The following FAIM2 variants were observed in gnomAD, a reference collection of about 807,000 sequenced individuals.
The protein encoded by FAIM2 is Fas apoptotic inhibitory molecule 2.
In FAIM2, 27 loss-of-function variants were observed where a neutral mutation model predicts 47.4. The observed-to-expected ratio is 0.57, with a 90% CI of 0.42 to 0.78. The LOEUF is 0.78. FAIM2 is among the 30% of genes least tolerant of loss of function. The probability of loss-of-function intolerance (pLI) is 0.00; values close to 1 mark genes in which losing one functional copy is unlikely to be tolerated. For synonymous variants in FAIM2, 156 were observed against 159.3 expected (o/e 0.98, Z 0.16); for missense variants, 311 against 389.4 (o/e 0.80, Z 1.69).
intron 11 of FAIM2, among the ~76,000 whole-genome samples, chr12:49,877,156 T>C (rs771408757): frequency 2.0e-5 from 3 of 152,130 alleles, no homozygotes; most frequent in African/African-American, 4.8e-5. Context: ...TGCCTCTGCC[T>C]CCCCTCCCTC....
intron 5 of FAIM2, among the ~76,000 whole-genome samples, chr12:49,892,521 T>C (rs1039494960): frequency 6.6e-6 from 1 of 152,140 alleles, no homozygotes; most frequent in Non-Finnish European, 1.5e-5. Flanking sequence ...CCTTATTGAG[T>C]GCAGTGGATG....
At chr12:49,900,945 T>A (rs1175713561) in intron 2 of FAIM2, among the ~76,000 whole-genome samples, 185 bp downstream of exon 2, 5 of 152,114 alleles carry the variant, frequency 3.3e-5, no homozygotes, top group Non-Finnish European at 7.4e-5. Context: ...TATCTCTCTC[T>A]GTTTTCATGG....
intron 11 of FAIM2, among the ~76,000 whole-genome samples, chr12:49,880,535 T>C (rs902636384): frequency 9.3e-6 from 1 of 107,848 alleles, no homozygotes; most frequent in African/African-American, 4.3e-5. Context: ...TATATGTGCG[T>C]GTGTATGTAT....
At chr12:49,899,069 C>A (rs973687340) in intron 2 of FAIM2, among the ~76,000 whole-genome samples, 1 of 152,124 alleles carries the variant, frequency 6.6e-6, no homozygotes, top group African/African-American at 2.4e-5. Flanking sequence ...GGATCCCTCC[C>A]CTAGAACTTA....
In FAIM2 at chr12:49,869,234, G is replaced by A. The variant is rs561333964; in HGVS notation, c.*1270C>T. On this transcript the variant is annotated 3_prime_UTR_variant, in exon 12 of 12. Coordinates refer to ENST00000320634, the MANE Select transcript of FAIM2 (RefSeq NM_012306.4). ...CCCTGCCTGAGATCCCAGCCGCCTG[G>A]AAGCTGATAAGGAGCCCTGGCCTCA... The A allele has an allele frequency of 1.3e-4, 20 of 152,960 alleles. No individual in the cohort carries two copies. The East Asian group carries it at 3.9e-3, about 29-fold the overall frequency. 9.5% of individuals were successfully genotyped at this position (152,960 alleles called of 1,614,324 possible).
chr12:49,903,510 G>A (rs1946995502), intron 1 of FAIM2, among the ~76,000 whole-genome samples: 1 of 152,238 alleles, frequency 6.6e-6, no homozygotes, highest in South Asian at 2.1e-4. Flanking sequence ...GGGGGCCTGG[G>A]TATCTGTGAG....
chr12:49,879,734 CTGAG>C (rs1485839073), intron 11 of FAIM2, among the ~76,000 whole-genome samples: 239 of 131,340 alleles, frequency 1.8e-3, no homozygotes, highest in African/African-American at 6.6e-3. Flanking sequence ...AAGTGTGTGT[CTGAG>C]TGAATGTGTA....
At chr12:49,889,374 T>C (rs961934759) in intron 9 of FAIM2, 107 bp downstream of exon 9, 62 of 1,117,364 alleles carry the variant, frequency 5.5e-5, no homozygotes, top group Non-Finnish European at 8.2e-5. Flanking sequence ...TCACCCCCTT[T>C]ACTTCTCTCC....
chr12:49,899,491 C>A (rs988590722), intron 2 of FAIM2, among the ~76,000 whole-genome samples: 1 of 152,204 alleles, frequency 6.6e-6, no homozygotes, highest in East Asian at 1.9e-4. Flanking sequence ...GCTATACATT[C>A]CTCCCCCGAT....
In FAIM2 at chr12:49,874,496, T is replaced by A. The variant is rs1181560847; in HGVS notation, c.802-3843A>T. 6.6e-6 allele frequency among the ~76,000 whole-genome samples: 1 copy of A among 152,176 alleles called. No homozygotes were observed. The highest frequency in any genetic ancestry group is 1.5e-5 in the Non-Finnish European group (1 of 68,034). On this transcript the variant is annotated intron_variant, in intron 11 of 11. Coordinates refer to ENST00000320634, the MANE Select transcript of FAIM2 (RefSeq NM_012306.4). The surrounding 1 kb of genome is among the most constrained non-coding windows in gnomAD (Gnocchi z 4.2). ...AAAGGCAAACTTCCCCGCCTCACTT[T>A]ACTGGCCAGTGCTAAACCTGGCCGG...
At chr12:49,889,306 A>G in intron 9 of FAIM2, 104 bp from the exon 10 acceptor site, 2 of 1,055,892 alleles carry the variant, frequency 1.9e-6, no homozygotes, top group South Asian at 2.7e-5. Flanking sequence ...TGCTTACCCC[A>G]AGAACCTGGC....
Position 49,866,982 on chromosome 12 carries a change from A to T in FAIM2, c.*3522T>A, listed in dbSNP as rs1055428544. The T allele has an allele frequency of 1.4e-4, 22 of 152,356 alleles. No homozygotes were observed. Among genetic ancestry groups the T allele is most frequent in the African/African-American group, 4.8e-4 (20 of 41,434 alleles). The allele number at this position is 152,356 out of a possible 1,614,324, so 9.4% of individuals were successfully genotyped here. A position where few individuals can be genotyped will look rare whatever the true frequency, so the allele number is the denominator to read the frequency against. ...GTCAGGGAAGGGAACAGGTGCGGAC[A>T]CTGGGGAACTTGCAGGAGCTAAGGC... On this transcript the variant is annotated 3_prime_UTR_variant, in exon 12 of 12. Transcript: ENST00000320634.
intron 11 of FAIM2, among the ~76,000 whole-genome samples, chr12:49,876,502 G>A (rs946534153): frequency 2.0e-5 from 3 of 152,050 alleles, no homozygotes; most frequent in Non-Finnish European, 2.9e-5. Flanking sequence ...GGTGGCTTAC[G>A]CCTGTAATCC....
At chr12:49,880,912 G>A (rs1321743445) in intron 11 of FAIM2, among the ~76,000 whole-genome samples, 3 of 149,144 alleles carry the variant, frequency 2.0e-5, no homozygotes, top group African/African-American at 7.5e-5. Flanking sequence ...CTCTCTGGAT[G>A]TGCTGTCTTG....
At chr12:49,897,467 A>G (rs1946945873) in intron 4 of FAIM2, 52 bp downstream of exon 4, 2 of 1,545,918 alleles carry the variant, frequency 1.3e-6, no homozygotes, top group Non-Finnish European at 8.9e-7. Context: ...CCCCGGCTCC[A>G]GGCCTGGCCA....
intron 11 of FAIM2, among the ~76,000 whole-genome samples, chr12:49,886,186 A>T (rs1946859922): frequency 6.6e-6 from 1 of 152,204 alleles, no homozygotes; most frequent in Non-Finnish European, 1.5e-5. Context: ...CACCAGCACA[A>T]GCTTGCCCAA....
chr12:49,901,671 A>G (rs1042307853), intron 1 of FAIM2: 1 of 195,638 alleles, frequency 5.1e-6, no homozygotes, highest in Non-Finnish European at 1.0e-5. Flanking sequence ...TGTTACAAAT[A>G]AAAGGTTATG....
At chr12:49,878,662 G>A (rs1393951948) in intron 11 of FAIM2, among the ~76,000 whole-genome samples, 1 of 135,208 alleles carries the variant, frequency 7.4e-6, no homozygotes, top group Non-Finnish European at 1.6e-5. Flanking sequence ...GCGCTTGTAT[G>A]TGCATGTGTG....
At chr12:49,871,398 T>G (rs1030707703) in intron 11 of FAIM2, among the ~76,000 whole-genome samples, 1 of 152,142 alleles carries the variant, frequency 6.6e-6, no homozygotes, top group Non-Finnish European at 1.5e-5. Flanking sequence ...CTTGGCCTAA[T>G]GGACTAGGAA....
Sources: gnomAD v4.1 joint callset for allele counts (sites outside exome capture counted in the v4.1 genomes callset) on GRCh38, gnomAD v4.1.1 for gene constraint, Gnocchi (gnomAD v3.1) non-coding constraint, MANE v1.5 for transcripts, NCBI Gene and HGNC (gene_info 2026-07-23, HGNC 2026-07-21) for gene names.